Variants in BICD1 observed in about 807,000 individuals in gnomAD.
BICD1 encodes BICD cargo adaptor 1, also known as protein bicaudal D homolog 1.
In BICD1, 35 loss-of-function variants were observed where a neutral mutation model predicts 92.5. That is an observed-to-expected ratio of 0.38 (90% CI 0.29 to 0.50). BICD1 has a LOEUF of 0.50. Ranked by LOEUF, BICD1 falls within the 20% of genes least tolerant of loss-of-function variation. BICD1 has a pLI of 0.93. For missense variants in BICD1, 950 were observed against 1,189.8 expected, an observed-to-expected ratio of 0.80 and a Z score of 2.97; for synonymous variants, 429 against 465.1, an observed-to-expected ratio of 0.92 and a Z score of 1.00.
chr12:32,186,549 GA>G (rs753344475), intron 1 of BICD1, among the ~76,000 whole-genome samples: 3 of 152,164 alleles, frequency 2.0e-5, no homozygotes, highest in Non-Finnish European at 4.4e-5. Flanking sequence ...AAAATGAACA[GA>G]AAGTCTTTAT....
intron 1 of BICD1, among the ~76,000 whole-genome samples, chr12:32,143,950 C>T (rs930900561): frequency 6.6e-6 from 1 of 152,014 alleles, no homozygotes; most frequent in African/African-American, 2.4e-5. Context: ...CTGTTTAAGT[C>T]TTCAGCCATT....
At chr12:32,229,267 CA>C (rs975971237) in intron 2 of BICD1, among the ~76,000 whole-genome samples, 3 of 151,932 alleles carry the variant, frequency 2.0e-5, no homozygotes, top group African/African-American at 7.2e-5. Context: ...AAAACAAAAA[CA>C]AAAAATTTTT....
At chr12:32,308,216 G>A (rs557099323) in intron 4 of BICD1, among the ~76,000 whole-genome samples, 17 of 152,174 alleles carry the variant, frequency 1.1e-4, no homozygotes, top group African/African-American at 7.2e-5. Context: ...TGGTTTAGGC[G>A]GTTCCTCATT....
At chr12:32,310,786 C>T (rs1042230134) in intron 4 of BICD1, among the ~76,000 whole-genome samples, 2 of 152,162 alleles carry the variant, frequency 1.3e-5, no homozygotes, top group African/African-American at 4.8e-5. Context: ...GCTCAATTTC[C>T]ACTTTGCCTA....
intron 5 of BICD1, among the ~76,000 whole-genome samples, chr12:32,332,199 C>A (rs1340277207): frequency 6.6e-6 from 1 of 152,086 alleles, no homozygotes; most frequent in Non-Finnish European, 1.5e-5. Context: ...TAGAGGGGAA[C>A]AACACACACT....
rs149004392 is a variant in BICD1 at position 32,306,310 on chromosome 12, T to C, written c.1005+188T>C. Among the ~76,000 whole-genome samples, 352 of 152,074 alleles carry C rather than the reference T, an allele frequency of 2.3e-3. 4 individuals are homozygous for C. The highest frequency in any genetic ancestry group is 0.015 in the East Asian group (79 of 5,148). On this transcript the variant is annotated intron_variant, in intron 4 of 9. Coordinates refer to ENST00000652176, the MANE Select transcript of BICD1 (RefSeq NM_001714.4). ...CCAGGCTGGAGTACAGTGGTGCAAT[T>C]TCGGCTCACTGCAACCTCCGCCTCC...
At chr12:32,345,960 G>A (rs1206581808) in intron 8 of BICD1, among the ~76,000 whole-genome samples, 1 of 152,140 alleles carries the variant, frequency 6.6e-6, no homozygotes, top group East Asian at 1.9e-4. Context: ...ACCAGCCTGG[G>A]CAACATGGCG....
intron 9 of BICD1, 189 bp downstream of exon 9, chr12:32,367,934 G>A (rs1251609232): frequency 3.5e-6 from 2 of 567,546 alleles, no homozygotes; most frequent in Non-Finnish European, 6.2e-6. Context: ...CAAGAGAGCT[G>A]GGGTTTATTT....
chr12:32,240,281 C>G (rs1311451915), intron 2 of BICD1, among the ~76,000 whole-genome samples: 1 of 152,178 alleles, frequency 6.6e-6, no homozygotes, highest in Non-Finnish European at 1.5e-5. Flanking sequence ...ACAGCACGAA[C>G]TTATTCCCTT....
At chr12:32,159,730 C>T (rs188096154) in intron 1 of BICD1, among the ~76,000 whole-genome samples, 1 of 152,272 alleles carries the variant, frequency 6.6e-6, no homozygotes, top group Admixed American at 6.5e-5. Context: ...TCATGTTGAC[C>T]ATCCTCCTGA....
At chr12:32,146,878 TTCC>T (rs1411320160) in intron 1 of BICD1, among the ~76,000 whole-genome samples, 4 of 137,822 alleles carry the variant, frequency 2.9e-5, no homozygotes, top group East Asian at 2.5e-4. Flanking sequence ...CCTCTTCTTC[TTCC>T]TCCTCCTCCT....
At chr12:32,300,364 A>G (rs986055830) in intron 3 of BICD1, among the ~76,000 whole-genome samples, 3 of 151,984 alleles carry the variant, frequency 2.0e-5, no homozygotes, top group African/African-American at 7.3e-5. Context: ...CGGCCTCCCA[A>G]AGTGCTGGGA....
chr12:32,344,647 A>G (rs1008360593), intron 8 of BICD1, among the ~76,000 whole-genome samples: 2 of 152,334 alleles, frequency 1.3e-5, no homozygotes, highest in South Asian at 2.1e-4. Flanking sequence ...ATCAGCCAGC[A>G]TGTCCTGTGC....
At chr12:32,214,742 G>T (rs1329385119) in intron 1 of BICD1, among the ~76,000 whole-genome samples, 2 of 152,090 alleles carry the variant, frequency 1.3e-5, no homozygotes. Context: ...AAAAGTACTG[G>T]TTTCCAAAAT....
In BICD1 at chr12:32,107,039, GCA is replaced by G; in HGVS notation, c.-291_-290del. ...CGGCCGCCGCAGCCCGGGCCATGCC[GCA>G]CGGCTGCTGACCGCACGCAGGGGCC... is the stretch of plus-strand genomic sequence containing the variant. On this transcript the variant is annotated 5_prime_UTR_variant, in exon 1 of 10. It removes the in-frame stop codon of an upstream open reading frame in the 5' UTR. Transcript: ENST00000652176. 1 of 365,116 alleles carries G rather than the reference GCA, an allele frequency of 2.7e-6. No homozygotes were observed. The highest frequency in any genetic ancestry group is 5.0e-6 in the Non-Finnish European group (1 of 199,512). The allele number at this position is 365,116 out of a possible 1,614,324, so 22.6% of individuals were successfully genotyped here. A position where few individuals can be genotyped will look rare whatever the true frequency, so the allele number is the denominator to read the frequency against.
At chr12:32,288,209 C>T (rs149442326) in intron 2 of BICD1, among the ~76,000 whole-genome samples, 58 of 149,412 alleles carry the variant, frequency 3.9e-4, no homozygotes, top group African/African-American at 1.4e-3. Flanking sequence ...TTACCTGTCA[C>T]CTACCAAGTC....
At chr12:32,232,685 A>T (rs1388687768) in intron 2 of BICD1, among the ~76,000 whole-genome samples, 2 of 152,182 alleles carry the variant, frequency 1.3e-5, no homozygotes, top group Admixed American at 6.5e-5. Flanking sequence ...CTGAATGGTA[A>T]TGGCTAGGTT....
chr12:32,209,313 T>G (rs1945148473), intron 1 of BICD1, among the ~76,000 whole-genome samples: 1 of 152,190 alleles, frequency 6.6e-6, no homozygotes, highest in Non-Finnish European at 1.5e-5. Flanking sequence ...ATATTTGAAG[T>G]AGAAGAAACC....
chr12:32,356,377 C>A (rs562862225), intron 8 of BICD1, among the ~76,000 whole-genome samples: 3 of 152,226 alleles, frequency 2.0e-5, no homozygotes, highest in African/African-American at 7.2e-5. Context: ...GAGGGCCAGG[C>A]GCGGTGGCTC....
Sources: allele counts gnomAD v4.1 joint callset (sites outside exome capture counted in the v4.1 genomes callset), GRCh38; gene constraint gnomAD v4.1.1; transcripts MANE v1.5; gene names NCBI Gene and HGNC (gene_info 2026-07-23, HGNC 2026-07-21).